The following CAMK2B variants were observed in gnomAD, a reference collection of about 807,000 sequenced individuals.
CAMK2B encodes the protein calcium/calmodulin-dependent protein kinase type II subunit beta.
Under a neutral mutation model 93.7 loss-of-function variants are expected in CAMK2B, and 27 were observed. The observed-to-expected ratio is 0.29, with a 90% CI of 0.21 to 0.40. The LOEUF is 0.40. CAMK2B is among the 10% of genes least tolerant of loss of function. The pLI is 1.00. For synonymous variants in CAMK2B, 374 were observed against 358.8 expected, an observed-to-expected ratio of 1.04 and a Z score of -0.48; for missense variants, 568 against 895.8, an observed-to-expected ratio of 0.63 and a Z score of 4.67.
chr7:44,262,317 C>T (rs933925976), intron 3 of CAMK2B, among the ~76,000 whole-genome samples: 3 of 152,186 alleles, frequency 2.0e-5, no homozygotes, highest in South Asian at 4.1e-4. Flanking sequence ...GAGCGGCTGC[C>T]GTCCCTAGGG....
intron 5 of CAMK2B, among the ~76,000 whole-genome samples, chr7:44,250,967 T>C (rs2096774826): frequency 1.3e-5 from 2 of 152,234 alleles, no homozygotes; most frequent in South Asian, 4.1e-4. Flanking sequence ...CTAAGAGGAA[T>C]TTCCAGCTTT....
intron 5 of CAMK2B, among the ~76,000 whole-genome samples, chr7:44,253,331 A>G (rs1253426109): frequency 6.6e-6 from 1 of 150,972 alleles, no homozygotes; most frequent in African/African-American, 2.4e-5. Flanking sequence ...CTCCTGCCTC[A>G]GCCTCCCGAG....
At chr7:44,314,135 A>T (rs1460137000) in intron 1 of CAMK2B, among the ~76,000 whole-genome samples, 1 of 152,200 alleles carries the variant, frequency 6.6e-6, no homozygotes, top group African/African-American at 2.4e-5. Flanking sequence ...GATTTAATTC[A>T]TATACCAAAC....
intron 2 of CAMK2B, among the ~76,000 whole-genome samples, chr7:44,269,068 G>C (rs2096947086): frequency 6.6e-6 from 1 of 152,220 alleles, no homozygotes; most frequent in Non-Finnish European, 1.5e-5. Context: ...ACAAAGAGAA[G>C]CCAGCTGAGG....
intron 1 of CAMK2B, among the ~76,000 whole-genome samples, chr7:44,313,395 G>A (rs184002668): frequency 5.1e-4 from 77 of 151,900 alleles, no homozygotes; most frequent in African/African-American, 1.8e-3. Flanking sequence ...ACCTCACACT[G>A]CAGTAATGGG....
chr7:44,307,170 GA>G, intron 1 of CAMK2B, among the ~76,000 whole-genome samples: 1 of 128,630 alleles, frequency 7.8e-6, no homozygotes. Flanking sequence ...GGTGTGAGCA[GA>G]GGGAGGAGGG....
chr7:44,244,902 G>A (rs1285020073), intron 6 of CAMK2B: 5 of 455,290 alleles, frequency 1.1e-5, no homozygotes, highest in African/African-American at 2.0e-5. Context: ...CACCTTGGGG[G>A]TCCCAGCCTG....
intron 1 of CAMK2B, among the ~76,000 whole-genome samples, chr7:44,314,172 C>T (rs12155010): frequency 0.55 from 83,038 of 152,024 alleles, 23,121 homozygotes; most frequent in East Asian, 0.88. Context: ...GTATATAATT[C>T]AGATAAATAT....
chr7:44,276,709 G>A (rs945435318), intron 2 of CAMK2B, among the ~76,000 whole-genome samples: 2 of 152,204 alleles, frequency 1.3e-5, no homozygotes, highest in East Asian at 1.9e-4. Flanking sequence ...TCTGTGGGGT[G>A]AGCCTCGGGC....
At chr7:44,236,129 C>T (rs542011233) in intron 13 of CAMK2B, among the ~76,000 whole-genome samples, 1 of 150,898 alleles carries the variant, frequency 6.6e-6, no homozygotes, top group African/African-American at 2.4e-5. Context: ...GCTGGGTGCT[C>T]CAGGTTGCCG....
chr7:44,233,007 G>C (rs773102843), intron 15 of CAMK2B, 141 bp from the exon 16 acceptor site: 47 of 742,892 alleles, frequency 6.3e-5, no homozygotes, highest in Non-Finnish European at 9.2e-5. Context: ...AGAGCAGAGT[G>C]GGGGACAGGG....
intron 1 of CAMK2B, among the ~76,000 whole-genome samples, chr7:44,313,588 G>A (rs962950153): frequency 5.3e-5 from 8 of 151,380 alleles, no homozygotes; most frequent in East Asian, 2.0e-4. Flanking sequence ...TAGTCACAGC[G>A]GAACCCTCAG....
chr7:44,223,318 C>G (rs905654043), intron 20 of CAMK2B, among the ~76,000 whole-genome samples: 2 of 152,216 alleles, frequency 1.3e-5, no homozygotes, highest in African/African-American at 4.8e-5. Flanking sequence ...TTCATCTAGA[C>G]CATGTCATGG....
At chr7:44,256,291 G>T (rs2096833005) in intron 4 of CAMK2B, among the ~76,000 whole-genome samples, 1 of 152,268 alleles carries the variant, frequency 6.6e-6, no homozygotes, top group South Asian at 2.1e-4. Context: ...GTGTTCACAT[G>T]TGTGGATGCC....
At chr7:44,249,012 C>G (rs2096755861) in intron 5 of CAMK2B, among the ~76,000 whole-genome samples, 1 of 152,102 alleles carries the variant, frequency 6.6e-6, no homozygotes, top group Admixed American at 6.6e-5. Flanking sequence ...GTTGAAACAT[C>G]CTCCCTTCTC....
chr7:44,223,458 A>T (rs1207928141), intron 20 of CAMK2B, among the ~76,000 whole-genome samples: 1 of 152,154 alleles, frequency 6.6e-6, no homozygotes, highest in Non-Finnish European at 1.5e-5. Context: ...TGCTGCAGCC[A>T]CCACGAGTCC....
chr7:44,304,939 G>GA (rs1011541453), intron 1 of CAMK2B, among the ~76,000 whole-genome samples: 6 of 152,034 alleles, frequency 3.9e-5, no homozygotes, highest in East Asian at 1.9e-4. Context: ...ATTGTAAAGA[G>GA]AAAAAAATTG....
At chr7:44,280,332 G>A (rs945945926) in intron 2 of CAMK2B, among the ~76,000 whole-genome samples, 1 of 152,200 alleles carries the variant, frequency 6.6e-6, no homozygotes, top group Non-Finnish European at 1.5e-5. Context: ...CTCAATCTGT[G>A]GAGAGAGGGG....
intron 16 of CAMK2B, among the ~76,000 whole-genome samples, chr7:44,232,402 G>A (rs1298726873): frequency 1.3e-5 from 2 of 152,200 alleles, no homozygotes; most frequent in Non-Finnish European, 2.9e-5. Context: ...AGCAGAGAGG[G>A]GAGCAGAGGA....
Sources: allele counts gnomAD v4.1 joint callset (sites outside exome capture counted in the v4.1 genomes callset), GRCh38; gene constraint gnomAD v4.1.1; transcripts MANE v1.5; gene names NCBI Gene and HGNC (gene_info 2026-07-23, HGNC 2026-07-21).